Variants in TACR3 observed in about 807,000 individuals in gnomAD.
The protein encoded by TACR3 is neuromedin-K receptor.
A neutral mutation model predicts 35.0 loss-of-function variants in TACR3; 34 were observed. The observed-to-expected ratio is 0.97, with a 90% confidence interval of 0.74 to 1.30. The LOEUF is 1.30. Ranked by LOEUF, TACR3 falls within the 50% of genes most tolerant of loss-of-function variation. The probability of loss-of-function intolerance (pLI) is 0.00; values close to 1 mark genes in which losing one functional copy is unlikely to be tolerated. For missense variants in TACR3, 558 were observed against 591.7 expected, an observed-to-expected ratio of 0.94 and a Z score of 0.59; for synonymous variants, 233 against 221.1, an observed-to-expected ratio of 1.05 and a Z score of -0.48.
At chr4:103,598,590 T>G (rs1486354861) in intron 3 of TACR3, among the ~76,000 whole-genome samples, 4 of 152,214 alleles carry the variant, frequency 2.6e-5, no homozygotes, top group Admixed American at 6.5e-5. Context: ...GTTTTAGGTC[T>G]AACATGTAAG....
At chr4:103,690,540 T>C (rs995335946) in intron 1 of TACR3, among the ~76,000 whole-genome samples, 8 of 152,158 alleles carry the variant, frequency 5.3e-5, no homozygotes, top group African/African-American at 1.7e-4. Flanking sequence ...TCAATAAGAA[T>C]AGTTATAGAC....
chr4:103,629,862 A>AAAAAAAAAAC (rs1560814024), intron 3 of TACR3, among the ~76,000 whole-genome samples: 163 of 111,464 alleles, frequency 1.5e-3, no homozygotes, highest in Middle Eastern at 4.7e-3. Flanking sequence ...AAAAAAAAAC[A>AAAAAAAAAAC]AAAAAAAAAC....
rs547349956 is a variant in TACR3, at chr4:103,683,452, C to T, written c.549-25049G>A. On this transcript the variant is annotated intron_variant, in intron 1 of 4. Transcript: ENST00000304883. ...TTGGAAAGCTTGCTAAAATTGATAACGCACTAGAAAGACTGACCAAAAAAA... is the reference window on the plus strand; with the variant it reads ...TTGGAAAGCTTGCTAAAATTGATAATGCACTAGAAAGACTGACCAAAAAAA... Among the ~76,000 whole-genome samples the T allele has an allele frequency of 3.3e-3, 157 of 47,088 alleles. 1 individual carries two copies. Among genetic ancestry groups the T allele is most frequent in the African/African-American group, 0.016 (145 of 9,354 alleles). 30.9% of individuals were successfully genotyped at this position (47,088 alleles called of 152,430 possible).
At chr4:103,705,671 C>A (rs756008333) in intron 1 of TACR3, among the ~76,000 whole-genome samples, 1 of 151,994 alleles carries the variant, frequency 6.6e-6, no homozygotes, top group Non-Finnish European at 1.5e-5. Flanking sequence ...GTAAAAGTGA[C>A]GTTTGAACTG....
intron 1 of TACR3, among the ~76,000 whole-genome samples, chr4:103,699,610 G>A (rs2110222246): frequency 6.6e-6 from 1 of 152,306 alleles, no homozygotes; most frequent in Non-Finnish European, 1.5e-5. Flanking sequence ...TAATTTAGGT[G>A]AAAAATGATA....
chr4:103,591,657 G>A lies in TACR3; in HGVS notation c.915C>T (p.Val305=). 1 of 1,613,232 alleles carries A rather than the reference G, an allele frequency of 6.2e-7. No homozygotes were observed. Among genetic ancestry groups the A allele is most frequent in the Non-Finnish European group, 8.5e-7 (1 of 1,179,680 alleles). ...RKVVKMMIIV[V]MTFAICWLPY... is the part of the protein sequence containing the mutation. ...GCAGCCAGCAGATAGCAAATGTCAT[G>A]ACAACAATAATCATCATTTTGACAA... The change falls in exon 4 of 5, where the codon GTC becomes GTT. Residue 305 remains valine (V), a synonymous_variant. Coordinates refer to ENST00000304883, the MANE Select transcript of TACR3 (RefSeq NM_001059.3).
intron 3 of TACR3, among the ~76,000 whole-genome samples, chr4:103,616,393 T>A (rs3796981): frequency 0.21 from 31,350 of 151,970 alleles, 3,564 homozygotes; most frequent in East Asian, 0.29. Flanking sequence ...TATTGTACAA[T>A]GTAAAGAGTA....
At chr4:103,706,616 T>TA (rs1364031407) in intron 1 of TACR3, among the ~76,000 whole-genome samples, 1 of 152,004 alleles carries the variant, frequency 6.6e-6, no homozygotes, top group Non-Finnish European at 1.5e-5. Context: ...GTACATATAA[T>TA]AAAAAACTGG....
intron 1 of TACR3, among the ~76,000 whole-genome samples, chr4:103,677,647 C>A (rs1209682924): frequency 6.6e-6 from 1 of 152,000 alleles, no homozygotes; most frequent in Non-Finnish European, 1.5e-5. Flanking sequence ...GAAGTGGGAG[C>A]TAAATGATGA....
At chr4:103,714,095 CT>C (rs201430224) in intron 1 of TACR3, among the ~76,000 whole-genome samples, 7 of 151,778 alleles carry the variant, frequency 4.6e-5, no homozygotes, top group South Asian at 2.1e-4. Flanking sequence ...AGACATTTTT[CT>C]TTTTTTTGGA....
intron 3 of TACR3, among the ~76,000 whole-genome samples, chr4:103,615,390 TGTGTGTGTGAGAGAGAGAGAGAGA>T (rs1185290345): frequency 4.1e-5 from 4 of 98,458 alleles, no homozygotes; most frequent in African/African-American, 1.7e-4. Flanking sequence ...TGTGTGTGTG[TGTGTGTGTGAGAGAGAGAGAGAGA>T]GAGAGAGAGA....
Position 103,629,862 on chromosome 4 carries a change from A to AAAC in TACR3, c.888+26331_888+26332insGTT, listed in dbSNP as rs1553969624. ...ATCCTAAGCAAAACAAAAAAAAAAC[A>AAAC]AAAAAAAAACAAAAAAAACAACAAC... is the stretch of plus-strand genomic sequence containing the variant. On this transcript the variant is annotated intron_variant, in intron 3 of 4. Coordinates refer to ENST00000304883, the MANE Select transcript of TACR3 (RefSeq NM_001059.3). Among the ~76,000 whole-genome samples, 242 of 111,550 alleles carry AAAC rather than the reference A, an allele frequency of 2.2e-3. 6 individuals are homozygous for AAAC. Among genetic ancestry groups the AAAC allele is most frequent in the African/African-American group, 8.4e-3 (228 of 27,260 alleles). 73.2% of individuals were successfully genotyped at this position (111,550 alleles called of 152,430 possible). A position where few individuals can be genotyped will look rare whatever the true frequency, so the allele number is the denominator to read the frequency against.
chr4:103,695,120 G>A (rs1046775165), intron 1 of TACR3, among the ~76,000 whole-genome samples: 2 of 152,002 alleles, frequency 1.3e-5, no homozygotes, highest in Admixed American at 6.6e-5. Context: ...CTTCTACTAT[G>A]GTTTTGTTGG....
At chr4:103,718,150 G>A (rs1368495337) in intron 1 of TACR3, among the ~76,000 whole-genome samples, 4 of 152,030 alleles carry the variant, frequency 2.6e-5, no homozygotes, top group African/African-American at 9.7e-5. Flanking sequence ...AATGTCATAA[G>A]AATTAATATT....
At chr4:103,616,397 A>G (rs141178301) in intron 3 of TACR3, among the ~76,000 whole-genome samples, 2 of 152,086 alleles carry the variant, frequency 1.3e-5, no homozygotes, top group Non-Finnish European at 2.9e-5. Flanking sequence ...GTACAATGTA[A>G]AGAGTAGCAT....
intron 1 of TACR3, among the ~76,000 whole-genome samples, chr4:103,693,364 G>T (rs565599785): frequency 2.0e-5 from 3 of 152,226 alleles, no homozygotes; most frequent in African/African-American, 7.2e-5. Context: ...AGGTGAAGCT[G>T]CTGTGTCAAA....
intron 1 of TACR3, among the ~76,000 whole-genome samples, chr4:103,712,405 A>T (rs1253212908): frequency 6.6e-6 from 1 of 152,242 alleles, no homozygotes; most frequent in Non-Finnish European, 1.5e-5. Context: ...TGGTTCTGGG[A>T]AAATTGGCTA....
At chr4:103,614,389 T>A (rs1724584781) in intron 3 of TACR3, among the ~76,000 whole-genome samples, 1 of 152,124 alleles carries the variant, frequency 6.6e-6, no homozygotes, top group Non-Finnish European at 1.5e-5. Flanking sequence ...CTTGATATTC[T>A]AAGGTCTAGG....
In TACR3 at chr4:103,694,177, ACT is replaced by A. The variant is rs142267095; in HGVS notation, c.548+24949_548+24950del. On this transcript the variant is annotated intron_variant, in intron 1 of 4. Transcript: ENST00000304883. ...TATAGCTTGAAGTGTACTTTTTAAA[ACT>A]CTACATCCCTCCCTTTCCCACCATA... Among the ~76,000 whole-genome samples, 694 of 151,862 alleles carry A rather than the reference ACT, an allele frequency of 4.6e-3. 6 individuals carry two copies. The highest frequency in any genetic ancestry group is 0.016 in the African/African-American group (653 of 41,420).
Sources: gnomAD v4.1 joint callset for allele counts (sites outside exome capture counted in the v4.1 genomes callset) on GRCh38, gnomAD v4.1.1 for gene constraint, MANE v1.5 for transcripts, NCBI Gene and HGNC (gene_info 2026-07-23, HGNC 2026-07-21) for gene names.